FMN2: variants seen among roughly 807,000 people sequenced by gnomAD.
The protein encoded by FMN2 is formin 2.
A neutral mutation model predicts 142.3 loss-of-function variants in FMN2; 51 were observed. The observed-to-expected ratio is 0.36, with a 90% CI of 0.29 to 0.45. The LOEUF (loss-of-function observed/expected upper bound fraction) is 0.45, where lower values mean the gene tolerates loss of function less well. Among genes scored for constraint, FMN2 ranks in the 20% least tolerant of loss-of-function variants. The pLI is 1.00. For synonymous variants in FMN2, 882 were observed against 869.8 expected, an observed-to-expected ratio of 1.01 and a Z score of -0.25; for missense variants, 1,936 against 2,122.8, an observed-to-expected ratio of 0.91 and a Z score of 1.73.
At chr1:240,237,243 C>T (rs182909237) in intron 6 of FMN2, among the ~76,000 whole-genome samples, 10 of 152,182 alleles carry the variant, frequency 6.6e-5, no homozygotes, top group Non-Finnish European at 1.0e-4. Flanking sequence ...GGTTCTTGTG[C>T]GGATAATTAA....
intron 2 of FMN2, among the ~76,000 whole-genome samples, chr1:240,137,520 A>G (rs1457306037): frequency 2.0e-5 from 3 of 152,240 alleles, no homozygotes; most frequent in Non-Finnish European, 4.4e-5. Context: ...CATGTAATAC[A>G]TAGATAGTAA....
In FMN2 at chr1:240,150,928, A is replaced by G. The variant is rs185478289; in HGVS notation, c.1783-26993A>G. The stretch of plus-strand genomic sequence containing the variant: ...CCACACATGTTAGCATTTCACAGGT[A>G]TGTTCAAAGGCAAAGAGATGATAGG... On this transcript the variant is annotated intron_variant, in intron 2 of 17. Coordinates refer to ENST00000319653, the MANE Select transcript of FMN2 (RefSeq NM_020066.5). Among the ~76,000 whole-genome samples the G allele has an allele frequency of 3.4e-3, 524 of 152,348 alleles. 1 individual carries two copies. Among genetic ancestry groups the G allele is most frequent in the Middle Eastern group, 6.8e-3 (2 of 294 alleles).
At chr1:240,346,222 A>T (rs1671903388) in intron 13 of FMN2, among the ~76,000 whole-genome samples, 1 of 152,152 alleles carries the variant, frequency 6.6e-6, no homozygotes, top group Admixed American at 6.5e-5. Flanking sequence ...TTTCTTATGC[A>T]TACATACCTA....
At chr1:240,134,442 A>G (rs1662857286) in intron 2 of FMN2, among the ~76,000 whole-genome samples, 1 of 152,044 alleles carries the variant, frequency 6.6e-6, no homozygotes, top group Non-Finnish European at 1.5e-5. Flanking sequence ...TGGGCCATAT[A>G]GGGAGACTCT....
intron 2 of FMN2, among the ~76,000 whole-genome samples, chr1:240,150,967 C>T (rs1002514634): frequency 2.0e-5 from 3 of 152,296 alleles, no homozygotes; most frequent in Middle Eastern, 6.8e-3. Flanking sequence ...TCACAGTAAC[C>T]TTCCCTATAT....
intron 2 of FMN2, among the ~76,000 whole-genome samples, chr1:240,139,740 G>A (rs377638274): frequency 1.3e-5 from 2 of 152,320 alleles, no homozygotes; most frequent in African/African-American, 4.8e-5. Context: ...TTGGAGACGA[G>A]GGGTGTAGGG....
chr1:240,443,291 A>G (rs11588029), intron 16 of FMN2, among the ~76,000 whole-genome samples: 33,892 of 152,172 alleles, frequency 0.22, 4,755 homozygotes, highest in African/African-American at 0.4. Context: ...CTTGTCACGA[A>G]TCAGAAAAAT....
In FMN2 at chr1:240,330,647, T is replaced by A; in HGVS notation, c.4482T>A (p.Val1494=). The A allele has an allele frequency of 1.9e-6, 3 of 1,614,030 alleles. No individual in the cohort carries two copies. The highest frequency in any genetic ancestry group is 2.5e-6 in the Non-Finnish European group (3 of 1,179,928). ...GGGTTATGCAGGTTCTAGGTTTGGT[T>A]CTTGCCTTTGGCAACTACATGAATG... ...GPGVMQVLGL[V]LAFGNYMNGG... Residue 1494 remains valine, a synonymous_variant, in exon 11 of 18, where the codon GTT becomes GTA. Transcript: ENST00000319653.
intron 15 of FMN2, among the ~76,000 whole-genome samples, chr1:240,399,534 T>C (rs1240350942): frequency 6.6e-6 from 1 of 152,176 alleles, no homozygotes; most frequent in Non-Finnish European, 1.5e-5. Flanking sequence ...CAGACACTTA[T>C]GGTAATGAAG....
intron 6 of FMN2, among the ~76,000 whole-genome samples, chr1:240,254,563 T>G (rs906399958): frequency 3.3e-5 from 5 of 152,052 alleles, no homozygotes; most frequent in Non-Finnish European, 7.4e-5. Flanking sequence ...CCCCTACCCC[T>G]GGCAGAATAG....
At chr1:240,401,984 A>G (rs1166628559) in intron 15 of FMN2, among the ~76,000 whole-genome samples, 2 of 152,242 alleles carry the variant, frequency 1.3e-5, no homozygotes, top group Non-Finnish European at 2.9e-5. Context: ...AATATGGAGT[A>G]CCTTGTTCTT....
chr1:240,297,809 A>C (rs1435328152), intron 8 of FMN2, among the ~76,000 whole-genome samples: 1 of 152,076 alleles, frequency 6.6e-6, no homozygotes, highest in Non-Finnish European at 1.5e-5. Flanking sequence ...ATGAAGTGTT[A>C]TTTCTCCCAG....
intron 2 of FMN2, among the ~76,000 whole-genome samples, chr1:240,175,518 T>TA (rs1664878982): frequency 1.3e-5 from 2 of 152,162 alleles, no homozygotes; most frequent in South Asian, 4.1e-4. Flanking sequence ...TTGTTTTGGA[T>TA]AGGGCCTTGC....
intron 6 of FMN2, among the ~76,000 whole-genome samples, chr1:240,219,779 C>A (rs1278021572): frequency 6.6e-6 from 1 of 151,994 alleles, no homozygotes; most frequent in African/African-American, 2.4e-5. Context: ...CTCAGCCTCC[C>A]ACGTAGCTGG....
At chr1:240,206,300 G>T (rs1418809264) in intron 4 of FMN2, among the ~76,000 whole-genome samples, 1 of 152,096 alleles carries the variant, frequency 6.6e-6, no homozygotes, top group Admixed American at 6.6e-5. Flanking sequence ...GATATAAGCG[G>T]TATGGCACAT....
Position 240,438,157 on chromosome 1 carries a change from C to T in FMN2, c.5007C>T (p.Ser1669=). 3 of 1,614,094 alleles carry T rather than the reference C, an allele frequency of 1.9e-6. No homozygotes were observed. Among genetic ancestry groups the T allele is most frequent in the Non-Finnish European group, 2.5e-6 (3 of 1,179,996 alleles). Residue 1669 remains serine, a synonymous_variant, in exon 16 of 18, where the codon AGC becomes AGT. Coordinates refer to ENST00000319653, the MANE Select transcript of FMN2 (RefSeq NM_020066.5). ...TCTTCAGTATCTGGCATGAATTCAG[C>T]TCTGACTTTAAAGACTTCTGGAAGA... ...NAFFSIWHEF[S]SDFKDFWKKE... is the part of the protein sequence containing the mutation.
At chr1:240,221,797 C>T (rs1667125893) in intron 6 of FMN2, among the ~76,000 whole-genome samples, 1 of 146,538 alleles carries the variant, frequency 6.8e-6, no homozygotes, top group Admixed American at 6.9e-5. Flanking sequence ...ATCATGAAGA[C>T]TTTGCCCATG....
At position 240,423,744 on chromosome 1, in the gene FMN2, A is replaced by G. The variant is rs142238309; in HGVS notation, c.4911-14317A>G. Among the ~76,000 whole-genome samples, 1,035 of 152,336 alleles carry G rather than the reference A, an allele frequency of 6.8e-3. 46 individuals carry two copies. Among genetic ancestry groups the G allele is most frequent in the Admixed American group, 0.063 (967 of 15,296 alleles). On this transcript the variant is annotated intron_variant, in intron 15 of 17. Coordinates refer to ENST00000319653, the MANE Select transcript of FMN2 (RefSeq NM_020066.5). ...GACTCGCCAAAAGGCCAGTCCAATC[A>G]TAGATGTGTGCATAAGAAAAGACCT... is the stretch of plus-strand genomic sequence containing the variant.
At chr1:240,437,199 A>G (rs1029277814) in intron 15 of FMN2, among the ~76,000 whole-genome samples, 2 of 151,796 alleles carry the variant, frequency 1.3e-5, no homozygotes, top group Admixed American at 6.6e-5. Flanking sequence ...ACTGGCCCTG[A>G]GCAATCTACC....
Sources: allele counts gnomAD v4.1 joint callset (sites outside exome capture counted in the v4.1 genomes callset), GRCh38; gene constraint gnomAD v4.1.1; transcripts MANE v1.5; gene names NCBI Gene and HGNC (gene_info 2026-07-23, HGNC 2026-07-21).